ZFAND3: variants seen among roughly 807,000 people sequenced by gnomAD.
ZFAND3 encodes the protein zinc finger AN1-type containing 3.
In ZFAND3, 10 loss-of-function variants were observed where a neutral mutation model predicts 29.6. That is an observed-to-expected ratio of 0.34 (90% CI 0.21 to 0.57). The LOEUF (loss-of-function observed/expected upper bound fraction) is 0.57, where lower values mean the gene tolerates loss of function less well. Ranked by LOEUF, ZFAND3 falls within the 20% of genes least tolerant of loss-of-function variation. The pLI, the probability that ZFAND3 is intolerant of heterozygous loss-of-function variation, is 0.86. For synonymous variants in ZFAND3, 128 were observed against 112.6 expected (o/e 1.14, Z -0.87); for missense variants, 230 against 304.5 (o/e 0.76, Z 1.82).
At chr6:37,856,245 T>C (rs1764380243) in intron 1 of ZFAND3, among the ~76,000 whole-genome samples, 2 of 152,088 alleles carry the variant, frequency 1.3e-5, no homozygotes. Context: ...TCTGCCCCAC[T>C]CGGCCTCCCA....
chr6:38,045,234 C>T (rs199603468), intron 2 of ZFAND3, among the ~76,000 whole-genome samples: 2 of 150,170 alleles, frequency 1.3e-5, no homozygotes, highest in Non-Finnish European at 2.9e-5. Context: ...ATTACAGGTG[C>T]ATGCCACTAT....
intron 1 of ZFAND3, among the ~76,000 whole-genome samples, chr6:37,910,958 G>A (rs1765510214): frequency 1.3e-5 from 2 of 152,138 alleles, no homozygotes; most frequent in Admixed American, 6.5e-5. Context: ...GGGCACTTAG[G>A]TTGATTTCAT....
At chr6:37,909,276 CTTTTTTT>C (rs142698620) in intron 1 of ZFAND3, among the ~76,000 whole-genome samples, 3 of 139,890 alleles carry the variant, frequency 2.1e-5, no homozygotes, top group East Asian at 2.1e-4. Flanking sequence ...TTCTTTTTTT[CTTTTTTT>C]TTTTTTTCTT....
intron 1 of ZFAND3, among the ~76,000 whole-genome samples, chr6:37,826,752 C>CAAA (rs200749686): frequency 2.1e-5 from 2 of 96,552 alleles, no homozygotes; most frequent in Non-Finnish European, 2.2e-5. Context: ...GACTCCATCT[C>CAAA]AAAAAAAAAA....
At chr6:38,045,356 T>A (rs1348695986) in intron 2 of ZFAND3, among the ~76,000 whole-genome samples, 1 of 152,112 alleles carries the variant, frequency 6.6e-6, no homozygotes, top group Admixed American at 6.6e-5. Context: ...TCCAAAGTAG[T>A]GGGATTGCAG....
chr6:37,844,743 G>A (rs1440813711), intron 1 of ZFAND3, among the ~76,000 whole-genome samples: 4 of 151,688 alleles, frequency 2.6e-5, no homozygotes, highest in Non-Finnish European at 5.9e-5. Context: ...GGCTGGGCGC[G>A]GTGGCTTACT....
intron 4 of ZFAND3, among the ~76,000 whole-genome samples, chr6:38,090,269 A>G (rs1214550814): frequency 6.6e-6 from 1 of 152,204 alleles, no homozygotes; most frequent in African/African-American, 2.4e-5. Flanking sequence ...GAGGCAGAAA[A>G]TTAGAAATTT....
chr6:38,052,975 A>T (rs555578811), intron 2 of ZFAND3, among the ~76,000 whole-genome samples: 1 of 151,842 alleles, frequency 6.6e-6, no homozygotes, highest in East Asian at 1.9e-4. Flanking sequence ...CGGAGGTTGC[A>T]GTAAGCCAAG....
At position 37,819,868 on chromosome 6, in the gene ZFAND3, C is replaced by T. The variant is rs2127361474; in HGVS notation, c.-78C>T. 3 of 1,091,740 alleles carry T rather than the reference C, an allele frequency of 2.7e-6. No homozygotes were observed. Among genetic ancestry groups the T allele is most frequent in the Admixed American group, 9.7e-5 (2 of 20,668 alleles). The allele number at this position is 1,091,740 out of a possible 1,614,324, so 67.6% of individuals were successfully genotyped here. ...GCCCCGAGCCCCCCGACGCCGCCGC[C>T]ACCGCCTCCTCAGAGCGGGGCCCGG... On this transcript the variant is annotated 5_prime_UTR_variant, in exon 1 of 6. Transcript: ENST00000287218.
chr6:37,984,456 C>T (rs1177467689), intron 2 of ZFAND3, among the ~76,000 whole-genome samples: 1 of 152,208 alleles, frequency 6.6e-6, no homozygotes, highest in East Asian at 1.9e-4. Flanking sequence ...TTAGCTTTCA[C>T]ATTCCCTCAG....
At chr6:37,926,359 G>A (rs1761484551) in intron 1 of ZFAND3, among the ~76,000 whole-genome samples, 3 of 152,174 alleles carry the variant, frequency 2.0e-5, no homozygotes, top group Non-Finnish European at 4.4e-5. Context: ...TGGCTCTGAG[G>A]GAGAATCCAT....
rs1371028487 is a variant in ZFAND3, at chr6:38,101,506, G to A, written c.362-15066G>A. On this transcript the variant is annotated intron_variant, in intron 4 of 5. Transcript: ENST00000287218. ...TATTTATTTATAAGCTTAAGGATTT[G>A]TCTTGAGAGCAGTGAGTCAAAAGAC... 2.6e-5 allele frequency among the ~76,000 whole-genome samples: 4 copies of A among 152,144 alleles called. No homozygotes were observed. The South Asian group carries it at 8.3e-4, about 31-fold the overall frequency.
chr6:37,850,991 A>G (rs1217609473), intron 1 of ZFAND3, among the ~76,000 whole-genome samples: 1 of 148,604 alleles, frequency 6.7e-6, no homozygotes, highest in Non-Finnish European at 1.5e-5. Flanking sequence ...CCTCCTTGCC[A>G]TCACTGTCAC....
At chr6:38,054,971 G>A (rs926346791) in intron 2 of ZFAND3, among the ~76,000 whole-genome samples, 2 of 152,096 alleles carry the variant, frequency 1.3e-5, no homozygotes, top group African/African-American at 2.4e-5. Context: ...ATGGGGGTGG[G>A]GGACAATGCA....
chr6:37,912,333 G>A (rs1365537006), intron 1 of ZFAND3, among the ~76,000 whole-genome samples: 1 of 152,106 alleles, frequency 6.6e-6, no homozygotes, highest in African/African-American at 2.4e-5. Context: ...GCATCAAATT[G>A]AATAGGTGGC....
intron 2 of ZFAND3, among the ~76,000 whole-genome samples, chr6:38,060,409 G>T (rs1240269368): frequency 2.0e-5 from 3 of 148,508 alleles, no homozygotes; most frequent in African/African-American, 7.5e-5. Flanking sequence ...TTCCTTTCTT[G>T]GTTCTTTTTT....
intron 2 of ZFAND3, among the ~76,000 whole-genome samples, chr6:38,016,205 A>G (rs767020577): frequency 6.6e-6 from 1 of 152,228 alleles, no homozygotes; most frequent in Non-Finnish European, 1.5e-5. Context: ...GTGCACATCT[A>G]TGAAGTAACA....
chr6:37,889,244 A>G (rs985874358), intron 1 of ZFAND3, among the ~76,000 whole-genome samples: 2 of 152,196 alleles, frequency 1.3e-5, no homozygotes, highest in African/African-American at 4.8e-5. Context: ...TATTTTCTAT[A>G]TTAATGGGGA....
rs1382333199 is a variant in ZFAND3, at chr6:37,848,537, A to G, written c.71+28521A>G. 3.9e-5 allele frequency among the ~76,000 whole-genome samples: 6 copies of G among 152,362 alleles called. No individual in the cohort carries two copies. The East Asian group carries it at 1.2e-3, about 29-fold the overall frequency. ...TGTGCACTATTTCCTTTGTCTCTGT[A>G]GCCTCATCATAAGTTACTCTTTGCT... On this transcript the variant is annotated intron_variant, in intron 1 of 5. Transcript: ENST00000287218.
Sources: allele counts gnomAD v4.1 joint callset (sites outside exome capture counted in the v4.1 genomes callset), GRCh38; gene constraint gnomAD v4.1.1; transcripts MANE v1.5; gene names NCBI Gene and HGNC (gene_info 2026-07-23, HGNC 2026-07-21).